NWD1: variants seen among roughly 807,000 people sequenced by gnomAD.
NWD1 encodes the protein NACHT and WD repeat domain containing 1, also known as NACHT domain- and WD repeat-containing protein 1.
A neutral mutation model predicts 135.1 loss-of-function variants in NWD1; 129 were observed. That is an observed-to-expected ratio of 0.96 (90% CI 0.83 to 1.11). The LOEUF (loss-of-function observed/expected upper bound fraction) is 1.11, where lower values mean the gene tolerates loss of function less well. Among genes scored for constraint, NWD1 ranks in the 50% least tolerant of loss-of-function variants. The pLI is 0.00. For missense variants in NWD1, 1,740 were observed against 1,851.3 expected, an observed-to-expected ratio of 0.94 and a Z score of 1.10; for synonymous variants, 773 against 786.0, an observed-to-expected ratio of 0.98 and a Z score of 0.28.
Position 16,769,734 on chromosome 19 carries a change from G to A in NWD1, c.2411-3392G>A, listed in dbSNP as rs116131382. Among the ~76,000 whole-genome samples the A allele has an allele frequency of 9.6e-3, 1,458 of 152,300 alleles. 21 individuals carry two copies. Among genetic ancestry groups the A allele is most frequent in the African/African-American group, 0.033 (1,392 of 41,558 alleles). On this transcript the variant is annotated intron_variant, in intron 10 of 18. Coordinates refer to ENST00000524140, the MANE Select transcript of NWD1 (RefSeq NM_001007525.5). Reference sequence around the variant, plus strand: ...CAGCTAAATGCGATTCCTCAGAGAAGCCTTGTCTGGCCACCACTGAAGCTT... The same window carrying A: ...CAGCTAAATGCGATTCCTCAGAGAAACCTTGTCTGGCCACCACTGAAGCTT...
chr19:16,761,982 G>A lies in NWD1; in HGVS notation c.1977G>A (p.Gln659=). 6.2e-7 allele frequency: 1 copy of A among 1,613,852 alleles called. No individual in the cohort carries two copies. Among genetic ancestry groups the A allele is most frequent in the Non-Finnish European group, 8.5e-7 (1 of 1,179,824 alleles). The part of the protein sequence containing the change: ...GFTLLAIAHR[Q]LVEVVRERYL... ...AGTCTGTATACCCTCTCTGTAGACAGCTGGTCGAGGTGGTCCGTGAGCGCT... is the reference window on the plus strand; with the variant it reads ...AGTCTGTATACCCTCTCTGTAGACAACTGGTCGAGGTGGTCCGTGAGCGCT... The change falls in exon 8 of 19, where the codon CAG becomes CAA. Residue 659 remains glutamine (Q), a synonymous_variant. Transcript: ENST00000524140.
At chr19:16,746,320 A>G (rs2122782985) in intron 5 of NWD1, among the ~76,000 whole-genome samples, 1 of 151,786 alleles carries the variant, frequency 6.6e-6, no homozygotes, top group South Asian at 2.1e-4. Context: ...AGATTGTACC[A>G]CTGTACTTCA....
chr19:16,779,699 G>A (rs922618274), intron 12 of NWD1, among the ~76,000 whole-genome samples: 1 of 152,156 alleles, frequency 6.6e-6, no homozygotes, highest in South Asian at 2.1e-4. Flanking sequence ...GTGCAGTGGT[G>A]TGTTTATAAC....
intron 2 of NWD1, among the ~76,000 whole-genome samples, 185 bp downstream of exon 2, chr19:16,724,648 C>T (rs923511460): frequency 6.6e-6 from 1 of 152,110 alleles, no homozygotes; most frequent in Non-Finnish European, 1.5e-5. Context: ...AGGAGCCTGC[C>T]AAGTTCCAGC....
intron 15 of NWD1, 21 bp from the exon 16 acceptor site, chr19:16,797,711 C>A (rs1198544987): frequency 2.5e-6 from 4 of 1,610,284 alleles, no homozygotes; most frequent in Non-Finnish European, 3.4e-6. Flanking sequence ...AGAGGTGTAA[C>A]CCCAGTTCCT....
chr19:16,724,227 C>T (rs1332573500), intron 1 of NWD1, 139 bp from the exon 2 acceptor site: 1 of 152,216 alleles, frequency 6.6e-6, no homozygotes, highest in Admixed American at 6.5e-5. Flanking sequence ...TTTTATAGAC[C>T]TATCTCCCAA....
At chr19:16,811,275 C>A (rs1193013589) in intron 18 of NWD1, among the ~76,000 whole-genome samples, 1 of 151,950 alleles carries the variant, frequency 6.6e-6, no homozygotes, top group Non-Finnish European at 1.5e-5. Flanking sequence ...AATTGAATCC[C>A]CATCGAAAAA....
At position 16,789,191 on chromosome 19, in the gene NWD1, G is replaced by A; in HGVS notation, c.2940+1G>A. 1.9e-6 allele frequency: 3 copies of A among 1,610,696 alleles called. No individual in the cohort carries two copies. Among genetic ancestry groups the A allele is most frequent in the Non-Finnish European group, 2.5e-6 (3 of 1,176,992 alleles). ...TGTGTATTCAGCATCTGGCTCAAAG[G>A]TAACAAACATATGCCCTGTTTGTAA... On this transcript the variant is annotated splice_donor_variant, in intron 13 of 18. Coordinates refer to ENST00000524140, the MANE Select transcript of NWD1 (RefSeq NM_001007525.5). LOFTEE classifies it high-confidence loss of function.
rs1970557280 is a variant in NWD1, at chr19:16,800,156, G to C, written c.3730G>C (p.Ala1244Pro). Residue 1244 changes from alanine (A) to proline (P), a missense_variant, in exon 17 of 19, where the codon GCA becomes CCA. Coordinates refer to ENST00000524140, the MANE Select transcript of NWD1 (RefSeq NM_001007525.5). ...DKNKVTIWDLAEGEEQDSLDT... is the reference protein window; with the variant it reads ...DKNKVTIWDLPEGEEQDSLDT... ...AAACAAAGTCACTATTTGGGACTTG[G>C]CAGAAGGTTGGTAAGGTATAAGTAT... is the stretch of plus-strand genomic sequence containing the variant. 6.2e-7 allele frequency: 1 copy of C among 1,610,340 alleles called. No individual in the cohort carries two copies. The highest frequency in any genetic ancestry group is 1.3e-5 in the African/African-American group (1 of 74,998).
intron 18 of NWD1, among the ~76,000 whole-genome samples, chr19:16,811,576 C>T (rs1166103047): frequency 2.1e-5 from 3 of 140,976 alleles, no homozygotes; most frequent in African/African-American, 8.0e-5. Context: ...AAGAGCGAGA[C>T]TCTGTCTCAG....
chr19:16,809,694 A>C (rs1970863569), intron 18 of NWD1, among the ~76,000 whole-genome samples: 1 of 151,482 alleles, frequency 6.6e-6, no homozygotes, highest in Non-Finnish European at 1.5e-5. Context: ...AGCTGGGACT[A>C]CAGGTGCCCG....
intron 12 of NWD1, among the ~76,000 whole-genome samples, chr19:16,784,105 C>T (rs886896758): frequency 4.0e-5 from 6 of 150,968 alleles, no homozygotes; most frequent in Non-Finnish European, 7.4e-5. Flanking sequence ...CTTGGGAGAC[C>T]GAAGCAGGAA....
intron 11 of NWD1, among the ~76,000 whole-genome samples, chr19:16,777,887 A>G (rs1969710606): frequency 1.3e-5 from 1 of 79,742 alleles, no homozygotes; most frequent in African/African-American, 5.8e-5. Flanking sequence ...GGGAGAGGAA[A>G]GGGGAAGGAA....
intron 5 of NWD1, among the ~76,000 whole-genome samples, chr19:16,746,692 A>G (rs1205840941): frequency 2.9e-5 from 4 of 138,116 alleles, no homozygotes; most frequent in East Asian, 3.9e-4. Context: ...ACAAAAAACA[A>G]CAAAAAAAAA....
chr19:16,756,658 A>G (rs1968809758), intron 6 of NWD1, among the ~76,000 whole-genome samples: 1 of 152,094 alleles, frequency 6.6e-6, no homozygotes, highest in Admixed American at 6.5e-5. Flanking sequence ...TGCTACCAGC[A>G]TCTAGTGGGT....
intron 18 of NWD1, chr19:16,812,599 G>T: frequency 1.6e-6 from 1 of 627,924 alleles, no homozygotes; most frequent in Admixed American, 2.3e-5. Context: ...AACCTGGGAG[G>T]TGGAGGTTGC....
chr19:16,759,607 T>G (rs189166544), intron 7 of NWD1, among the ~76,000 whole-genome samples, 179 bp downstream of exon 7: 2 of 152,284 alleles, frequency 1.3e-5, no homozygotes, highest in African/African-American at 4.8e-5. Flanking sequence ...CTGGAAGCAG[T>G]GGCTCATGCC....
chr19:16,765,311 CAT>C, intron 10 of NWD1, 119 bp downstream of exon 10: 1 of 1,030,298 alleles, frequency 9.7e-7, no homozygotes, highest in South Asian at 1.8e-5. Context: ...CCTGTCTAAA[CAT>C]GTGAATTTTC....
intron 3 of NWD1, among the ~76,000 whole-genome samples, chr19:16,734,202 C>T (rs1389131137): frequency 6.6e-6 from 1 of 152,136 alleles, no homozygotes; most frequent in African/African-American, 2.4e-5. Context: ...CAAGTGTGGA[C>T]ACGTCCTTGC....
Sources: allele counts gnomAD v4.1 joint callset (sites outside exome capture counted in the v4.1 genomes callset), GRCh38; gene constraint gnomAD v4.1.1; transcripts MANE v1.5; gene names NCBI Gene and HGNC (gene_info 2026-07-23, HGNC 2026-07-21).